IGF1R: variants seen among roughly 807,000 people sequenced by gnomAD.
IGF1R encodes insulin like growth factor 1 receptor, also known as insulin-like growth factor 1 receptor.
In IGF1R, 44 loss-of-function variants were observed where a neutral mutation model predicts 144.6. The observed-to-expected ratio is 0.30, with a 90% confidence interval of 0.24 to 0.39. The LOEUF (loss-of-function observed/expected upper bound fraction) is 0.39. Among genes scored for constraint, IGF1R ranks in the 10% least tolerant of loss-of-function variants. The probability of loss-of-function intolerance (pLI) is 1.00; values close to 1 mark genes in which losing one functional copy is unlikely to be tolerated. For synonymous variants in IGF1R, 795 were observed against 722.8 expected (o/e 1.10, Z -1.60); for missense variants, 1,355 against 1,833.7 (o/e 0.74, Z 4.77).
intron 1 of IGF1R, among the ~76,000 whole-genome samples, chr15:98,693,478 G>T (rs576663613): frequency 6.6e-6 from 1 of 152,202 alleles, no homozygotes; most frequent in African/African-American, 2.4e-5. Context: ...TGCAGAGGAC[G>T]CTGTAGACTT....
chr15:98,866,311 C>T lies in IGF1R; in HGVS notation c.641-25014C>T, dbSNP rs555659815. 3.9e-5 allele frequency among the ~76,000 whole-genome samples: 6 copies of T among 152,368 alleles called. No homozygotes were observed. The South Asian group carries it at 1.0e-3, about 26-fold the overall frequency. On this transcript the variant is annotated intron_variant, in intron 2 of 20. Transcript: ENST00000650285. ...AGTAAATGCAGATCCTGATTTAAAT[C>T]TGCAGCACGCTGCTTTCTTCCCATT...
intron 2 of IGF1R, among the ~76,000 whole-genome samples, chr15:98,724,784 C>T (rs978095872): frequency 6.6e-6 from 1 of 152,166 alleles, no homozygotes; most frequent in African/African-American, 2.4e-5. Flanking sequence ...CCGGATGCCT[C>T]GGTATCCCTC....
intron 1 of IGF1R, among the ~76,000 whole-genome samples, chr15:98,680,879 T>TTA (rs398028503): frequency 4.4e-4 from 66 of 149,374 alleles, no homozygotes; most frequent in Middle Eastern, 6.8e-3. Context: ...TTTTTTTTTT[T>TTA]ATCCTTCTTA....
chr15:98,891,863 C>G lies in IGF1R; in HGVS notation c.953+226C>G, dbSNP rs542972720. Among the ~76,000 whole-genome samples, 12 of 152,296 alleles carry G rather than the reference C, an allele frequency of 7.9e-5. No homozygotes were observed. Among genetic ancestry groups the G allele is most frequent in the African/African-American group, 2.9e-4 (12 of 41,572 alleles). ...ACCAGTTTGTTTTATATTTTAAGTG[C>G]ATACTGCCTGGCCATTTGAAATTAA... On this transcript the variant is annotated intron_variant, in intron 3 of 20. Transcript: ENST00000650285. This position sits in a 1 kb window ranked among gnomAD's most constrained non-coding sequence, Gnocchi z 4.7.
At chr15:98,806,729 G>A (rs977905837) in intron 2 of IGF1R, among the ~76,000 whole-genome samples, 1 of 152,116 alleles carries the variant, frequency 6.6e-6, no homozygotes, top group Non-Finnish European at 1.5e-5. Context: ...AGAAACACCC[G>A]TTCTCTGGCA....
Position 98,763,691 on chromosome 15 carries a change from A to C in IGF1R, c.640+55584A>C, listed in dbSNP as rs1330742182. ...ATTCTGGTACAAATTCCCTTGTTACAACTGGGTTAAGTGGTTTTAACCTCT... is the reference window on the plus strand; with the variant it reads ...ATTCTGGTACAAATTCCCTTGTTACCACTGGGTTAAGTGGTTTTAACCTCT... On this transcript the variant is annotated intron_variant, in intron 2 of 20. Coordinates refer to ENST00000650285, the MANE Select transcript of IGF1R (RefSeq NM_000875.5). Among the ~76,000 whole-genome samples the C allele has an allele frequency of 2.0e-5, 3 of 152,214 alleles. No homozygotes were observed. In the South Asian group the frequency reaches 6.2e-4, roughly 31 times the overall value.
At chr15:98,728,013 T>G (rs920992810) in intron 2 of IGF1R, among the ~76,000 whole-genome samples, 1 of 149,998 alleles carries the variant, frequency 6.7e-6, no homozygotes, top group Admixed American at 6.6e-5. Context: ...CATTGTTTTT[T>G]TTTTTTTTTT....
At chr15:98,831,487 C>T (rs1220820943) in intron 2 of IGF1R, among the ~76,000 whole-genome samples, 2 of 152,234 alleles carry the variant, frequency 1.3e-5, no homozygotes, top group East Asian at 3.9e-4. Flanking sequence ...ATCTTGATGA[C>T]TCTGGTTCTC....
chr15:98,730,192 C>G (rs1159624757), intron 2 of IGF1R, among the ~76,000 whole-genome samples: 1 of 151,846 alleles, frequency 6.6e-6, no homozygotes, highest in African/African-American at 2.4e-5. Context: ...CACCTCACCT[C>G]TCTTGGAAAG....
intron 1 of IGF1R, among the ~76,000 whole-genome samples, chr15:98,691,399 C>T (rs1454995938): frequency 2.7e-5 from 4 of 148,752 alleles, no homozygotes; most frequent in East Asian, 2.0e-4. Flanking sequence ...GAGTCTCACT[C>T]GTCTCCCAAG....
At chr15:98,674,977 A>ATTTTTTTTTTTTTTTTTTTTTTTTTTT (rs71149408) in intron 1 of IGF1R, among the ~76,000 whole-genome samples, 4 of 98,906 alleles carry the variant, frequency 4.0e-5, no homozygotes, top group African/African-American at 8.3e-5. Context: ...GTATTTTACA[A>ATTTTTTTTTTTTTTTTTTTTTTTTTTT]TTTTTTTTTT....
intron 2 of IGF1R, among the ~76,000 whole-genome samples, chr15:98,868,380 G>GA (rs2012583984): frequency 8.6e-6 from 1 of 116,466 alleles, no homozygotes; most frequent in South Asian, 3.0e-4. Flanking sequence ...TGGGGGGGGG[G>GA]TCCTTTAGAA....
At chr15:98,791,790 A>G (rs969390764) in intron 2 of IGF1R, among the ~76,000 whole-genome samples, 1 of 152,264 alleles carries the variant, frequency 6.6e-6, no homozygotes, top group African/African-American at 2.4e-5. Context: ...GTTGCATGGC[A>G]ATTCTGTACA....
intron 2 of IGF1R, among the ~76,000 whole-genome samples, chr15:98,742,625 C>A (rs534206405): frequency 6.6e-6 from 1 of 152,322 alleles, no homozygotes; most frequent in Admixed American, 6.5e-5. Flanking sequence ...TGTTAGCATA[C>A]AATTTGCTGA....
intron 4 of IGF1R, among the ~76,000 whole-genome samples, chr15:98,898,031 C>T (rs1345725525): frequency 1.3e-5 from 2 of 151,714 alleles, no homozygotes; most frequent in Non-Finnish European, 2.9e-5. Flanking sequence ...TTAGAAAGGA[C>T]AGAAACAAGT....
intron 2 of IGF1R, among the ~76,000 whole-genome samples, chr15:98,823,973 T>C (rs550863259): frequency 6.6e-6 from 1 of 152,312 alleles, no homozygotes; most frequent in East Asian, 1.9e-4. Context: ...AATTGTGTTG[T>C]TTCTTATACT....
chr15:98,716,625 T>C (rs2054123904), intron 2 of IGF1R, among the ~76,000 whole-genome samples: 1 of 152,166 alleles, frequency 6.6e-6, no homozygotes, highest in Non-Finnish European at 1.5e-5. Context: ...GAAAAGTAGC[T>C]CACTGTAGAG....
chr15:98,940,485 C>A (rs2016323062), intron 18 of IGF1R, among the ~76,000 whole-genome samples: 1 of 152,228 alleles, frequency 6.6e-6, no homozygotes, highest in Non-Finnish European at 1.5e-5. Flanking sequence ...CTCACCACAA[C>A]CTCCACCTCC....
chr15:98,888,877 G>A lies in IGF1R; in HGVS notation c.641-2448G>A, dbSNP rs1167192600. On this transcript the variant is annotated intron_variant, in intron 2 of 20. Coordinates refer to ENST00000650285, the MANE Select transcript of IGF1R (RefSeq NM_000875.5). ...GCCTAGCGGCCCCACTCTCATAAGG[G>A]ACTAAGTTCCTTTTATCTCGCTTCA... 3.3e-5 allele frequency among the ~76,000 whole-genome samples: 5 copies of A among 152,306 alleles called. No individual in the cohort carries two copies. The East Asian group carries it at 9.7e-4, about 29-fold the overall frequency.
Sources: gnomAD v4.1 joint callset for allele counts (sites outside exome capture counted in the v4.1 genomes callset) on GRCh38, gnomAD v4.1.1 for gene constraint, Gnocchi (gnomAD v3.1) non-coding constraint, MANE v1.5 for transcripts, NCBI Gene and HGNC (gene_info 2026-07-23, HGNC 2026-07-21) for gene names.